PRKCA: variants seen among roughly 807,000 people sequenced by gnomAD.
PRKCA encodes the protein protein kinase C alpha, also known as protein kinase C alpha type.
Under a neutral mutation model 87.0 loss-of-function variants are expected in PRKCA, and 27 were observed. That is an observed-to-expected ratio of 0.31 (90% CI 0.23 to 0.43). The LOEUF is 0.43. Among genes scored for constraint, PRKCA ranks in the 20% least tolerant of loss-of-function variants. The pLI is 1.00. For synonymous variants in PRKCA, 329 were observed against 311.1 expected (o/e 1.06, Z -0.61); for missense variants, 518 against 852.3 (o/e 0.61, Z 4.88).
rs984180297 is a variant in PRKCA at position 66,694,804 on chromosome 17, C to A, written c.918+5757C>A. Among the ~76,000 whole-genome samples the A allele has an allele frequency of 9.5e-4, 142 of 150,142 alleles. 3 individuals carry two copies. Among genetic ancestry groups the A allele is most frequent in the East Asian group, 9.8e-4 (5 of 5,124 alleles). ...AAAAAAAAAAAAAGGTATCTTCTAG[C>A]CACATCTTTCCCTCTTTTAAGACAG... On this transcript the variant is annotated intron_variant, in intron 8 of 16. Transcript: ENST00000413366.
At chr17:66,501,255 G>C (rs1916717396) in intron 3 of PRKCA, among the ~76,000 whole-genome samples, 2 of 152,304 alleles carry the variant, frequency 1.3e-5, no homozygotes, top group South Asian at 4.1e-4. Flanking sequence ...TCGTAGTTGA[G>C]AGTATGCATT....
intron 2 of PRKCA, among the ~76,000 whole-genome samples, chr17:66,433,057 G>GT (rs1913180619): frequency 6.6e-6 from 1 of 152,210 alleles, no homozygotes; most frequent in African/African-American, 2.4e-5. Context: ...GAAGGAGGTA[G>GT]TTCAGAAAAC....
intron 5 of PRKCA, among the ~76,000 whole-genome samples, chr17:66,653,562 G>GC (rs1971646562): frequency 6.6e-6 from 1 of 152,180 alleles, no homozygotes; most frequent in Non-Finnish European, 1.5e-5. Flanking sequence ...CTGCATGCCA[G>GC]CCTAGGTGAC....
chr17:66,536,183 C>T (rs916037162), intron 3 of PRKCA, among the ~76,000 whole-genome samples: 5 of 152,186 alleles, frequency 3.3e-5, no homozygotes, highest in African/African-American at 1.2e-4. Flanking sequence ...TCCCAAATGA[C>T]ATTGAGAAGC....
intron 8 of PRKCA, among the ~76,000 whole-genome samples, chr17:66,696,137 G>T (rs1479453218): frequency 1.3e-5 from 2 of 152,172 alleles, no homozygotes; most frequent in African/African-American, 4.8e-5. Flanking sequence ...TAGATGCTAG[G>T]CAGTTTCCGT....
intron 3 of PRKCA, among the ~76,000 whole-genome samples, chr17:66,576,664 G>A (rs9905579): frequency 4.6e-5 from 7 of 152,234 alleles, no homozygotes; most frequent in African/African-American, 1.4e-4. Context: ...TTTATTTGAT[G>A]GTTCGGCTAG....
intron 2 of PRKCA, among the ~76,000 whole-genome samples, chr17:66,341,785 T>C (rs918239113): frequency 1.3e-5 from 2 of 152,226 alleles, no homozygotes; most frequent in African/African-American, 2.4e-5. Flanking sequence ...TCTCTTTCAT[T>C]TATGTGAATA....
At chr17:66,496,493 T>G (rs1452429254) in intron 3 of PRKCA, among the ~76,000 whole-genome samples, 2 of 152,224 alleles carry the variant, frequency 1.3e-5, no homozygotes, top group Non-Finnish European at 2.9e-5. Flanking sequence ...AATTTCTTGG[T>G]AGCATGTACT....
At position 66,424,852 on chromosome 17, in the gene PRKCA, C is replaced by T. The variant is rs572169348; in HGVS notation, c.206-71349C>T. On this transcript the variant is annotated intron_variant, in intron 2 of 16. Coordinates refer to ENST00000413366, the MANE Select transcript of PRKCA (RefSeq NM_002737.3). The stretch of plus-strand genomic sequence containing the variant: ...GCAGCCTCAACCACCCGGGCTCAAG[C>T]GATTCTCCCGCCTCAGCCTCCCGAG... 1.0e-3 allele frequency among the ~76,000 whole-genome samples: 151 copies of T among 151,698 alleles called. 1 individual carries two copies. Among genetic ancestry groups the T allele is most frequent in the Non-Finnish European group, 1.7e-3 (114 of 67,940 alleles).
intron 2 of PRKCA, among the ~76,000 whole-genome samples, chr17:66,445,961 G>A (rs778462973): frequency 5.3e-5 from 8 of 151,908 alleles, no homozygotes; most frequent in African/African-American, 9.7e-5. Flanking sequence ...CTACAGGTGC[G>A]TGCCACTACA....
At chr17:66,776,779 C>CT (rs1975061189) in intron 14 of PRKCA, among the ~76,000 whole-genome samples, 2 of 152,226 alleles carry the variant, frequency 1.3e-5, no homozygotes, top group African/African-American at 4.8e-5. Context: ...GGTCTTACAT[C>CT]TCTTCTCCCC....
chr17:66,676,498 T>A (rs1399072973), intron 5 of PRKCA: 1 of 152,298 alleles, frequency 6.6e-6, no homozygotes, highest in Non-Finnish European at 1.5e-5. Context: ...CCAGCGCTAC[T>A]GCGCACATGT....
chr17:66,345,026 C>T (rs1907273293), intron 2 of PRKCA, among the ~76,000 whole-genome samples: 1 of 152,166 alleles, frequency 6.6e-6, no homozygotes, highest in Non-Finnish European at 1.5e-5. Flanking sequence ...TGTAATGCCC[C>T]TGCATATGCT....
At position 66,569,413 on chromosome 17, in the gene PRKCA, A is replaced by G. The variant is rs528919634; in HGVS notation, c.289-71942A>G. On this transcript the variant is annotated intron_variant, in intron 3 of 16. Transcript: ENST00000413366. ...GTGAAACTCTGTCTCTACTAAAAATACAAAAATTAGCCAGGCATGGTGGCA... is the reference window on the plus strand; with the variant it reads ...GTGAAACTCTGTCTCTACTAAAAATGCAAAAATTAGCCAGGCATGGTGGCA... 2.0e-5 allele frequency among the ~76,000 whole-genome samples: 3 copies of G among 152,284 alleles called. No homozygotes were observed. In the South Asian group the frequency reaches 6.2e-4, roughly 32 times the overall value.
chr17:66,370,586 CTG>C (rs1204484382), intron 2 of PRKCA, among the ~76,000 whole-genome samples: 1 of 130,550 alleles, frequency 7.7e-6, no homozygotes, highest in African/African-American at 2.9e-5. Flanking sequence ...GGGTCTCACT[CTG>C]TCGCCCAAGA....
intron 3 of PRKCA, among the ~76,000 whole-genome samples, chr17:66,530,319 A>T (rs1967495536): frequency 6.6e-6 from 1 of 152,222 alleles, no homozygotes; most frequent in Non-Finnish European, 1.5e-5. Flanking sequence ...TCATTAATAT[A>T]TGCATACATG....
chr17:66,737,382 A>G (rs1219547412), intron 10 of PRKCA, among the ~76,000 whole-genome samples: 3 of 152,064 alleles, frequency 2.0e-5, no homozygotes, highest in Non-Finnish European at 4.4e-5. Flanking sequence ...AAAAAGAAAC[A>G]TAGATGTTTA....
chr17:66,375,825 T>C (rs1433803168), intron 2 of PRKCA, among the ~76,000 whole-genome samples: 1 of 152,136 alleles, frequency 6.6e-6, no homozygotes, highest in Non-Finnish European at 1.5e-5. Flanking sequence ...GCCCTGTCCA[T>C]AGGAGCCATA....
At chr17:66,438,200 A>T (rs1409784899) in intron 2 of PRKCA, among the ~76,000 whole-genome samples, 2 of 152,108 alleles carry the variant, frequency 1.3e-5, no homozygotes, top group Admixed American at 1.3e-4. Flanking sequence ...GGATTAAAGG[A>T]TCTGGTGACC....
Sources: allele counts gnomAD v4.1 joint callset (sites outside exome capture counted in the v4.1 genomes callset), GRCh38; gene constraint gnomAD v4.1.1; transcripts MANE v1.5; gene names NCBI Gene and HGNC (gene_info 2026-07-23, HGNC 2026-07-21).